Variants in ZNF462 observed in about 807,000 individuals in gnomAD.
ZNF462 encodes the protein zinc finger PBX1-interacting protein.
In ZNF462, 10 loss-of-function variants were observed where a neutral mutation model predicts 201.9. The ratio of observed to expected loss-of-function variants is 0.05; its 90% CI spans 0.03 to 0.08. The LOEUF (loss-of-function observed/expected upper bound fraction) is 0.08, where lower values mean the gene tolerates loss of function less well. Ranked by LOEUF, ZNF462 falls within the 10% of genes least tolerant of loss-of-function variation. The pLI is 1.00. For missense variants in ZNF462, 2,523 were observed against 3,168.3 expected, an observed-to-expected ratio of 0.80 and a Z score of 4.89; for synonymous variants, 1,227 against 1,193.3, an observed-to-expected ratio of 1.03 and a Z score of -0.58.
At chr9:106,943,751 C>A (rs963445648) in intron 7 of ZNF462, among the ~76,000 whole-genome samples, 1 of 152,100 alleles carries the variant, frequency 6.6e-6, no homozygotes, top group Non-Finnish European at 1.5e-5. Flanking sequence ...AATACTTATT[C>A]TTTTCATGGA....
At position 106,919,863 on chromosome 9, in the gene ZNF462, G is replaced by A. The variant is rs1829918514; in HGVS notation, c.-30-3491G>A. The stretch of plus-strand genomic sequence containing the variant: ...GACATATATCTGGGGTAGAAGACAG[G>A]GATGCTTGTTTGATATGTAGATTCA... On this transcript the variant is annotated intron_variant, in intron 1 of 12. Coordinates refer to ENST00000277225, the MANE Select transcript of ZNF462 (RefSeq NM_021224.6). The surrounding 1 kb of genome is among the most constrained non-coding windows in gnomAD (Gnocchi z 4.5). Among the ~76,000 whole-genome samples the A allele has an allele frequency of 6.6e-6, 1 of 152,104 alleles. No individual in the cohort carries two copies. The highest frequency in any genetic ancestry group is 1.5e-5 in the Non-Finnish European group (1 of 68,022).
rs1270890369 is a variant in ZNF462, at chr9:106,864,101, T to C, written c.-31+746T>C. On this transcript the variant is annotated intron_variant, in intron 1 of 12. Coordinates refer to ENST00000277225, the MANE Select transcript of ZNF462 (RefSeq NM_021224.6). The stretch of plus-strand genomic sequence containing the variant: ...CTCTCTCTCTCTCTCTCTCTCTCTC[T>C]CTCTCTCTCCCTCTCCCCGAAGTTG... Among the ~76,000 whole-genome samples, 203 of 110,202 alleles carry C rather than the reference T, an allele frequency of 1.8e-3. 1 individual carries two copies. The highest frequency in any genetic ancestry group is 6.6e-3 in the African/African-American group (175 of 26,398). 72.3% of individuals were successfully genotyped at this position (110,202 alleles called of 152,430 possible).
At chr9:106,947,484 T>C (rs567386535) in intron 7 of ZNF462, among the ~76,000 whole-genome samples, 6 of 152,322 alleles carry the variant, frequency 3.9e-5, no homozygotes, top group South Asian at 2.1e-4. Context: ...GTTATTTTTT[T>C]CCCCTTTGGC....
chr9:106,926,349 T>C lies in ZNF462; in HGVS notation c.2437T>C (p.Ser813Pro). 4 of 1,614,154 alleles carry C rather than the reference T, an allele frequency of 2.5e-6. No homozygotes were observed. Among genetic ancestry groups the C allele is most frequent in the Non-Finnish European group, 3.4e-6 (4 of 1,180,038 alleles). Reference sequence around the variant, plus strand: ...AACAAACTTGAAAGATCACCAAGTTTCCAATACTGCTCTGCTGAATACCCA... The same window carrying C: ...AACAAACTTGAAAGATCACCAAGTTCCCAATACTGCTCTGCTGAATACCCA... ...SSTNLKDHQV[S>P]NTALLNTQTP... is the part of the protein sequence containing the mutation. Residue 813 changes from serine (S) to proline (P), a missense_variant, in exon 3 of 13, where the codon TCC becomes CCC. This residue lies in a region of ZNF462 where 383 missense variants were observed against 453.4 expected (regional missense o/e 0.84). Coordinates refer to ENST00000277225, the MANE Select transcript of ZNF462 (RefSeq NM_021224.6). The surrounding 1 kb of genome is among the most constrained non-coding windows in gnomAD (Gnocchi z 7.9).
chr9:106,977,227 T>C lies in ZNF462; in HGVS notation c.6832+2954T>C, dbSNP rs1011836592. Among the ~76,000 whole-genome samples the C allele has an allele frequency of 1.4e-4, 20 of 147,130 alleles. 2 individuals are homozygous for C. The highest frequency in any genetic ancestry group is 5.2e-4 in the African/African-American group (19 of 36,752). ...TGCATGTCTGCCTTGCAATTTTGAG[T>C]TGGGGCTGATCTCAAAGTAACAAGA... On this transcript the variant is annotated intron_variant, in intron 9 of 12. Transcript: ENST00000277225. The surrounding 1 kb of genome is among the most constrained non-coding windows in gnomAD (Gnocchi z 4.6).
chr9:106,919,294 G>A lies in ZNF462; in HGVS notation c.-30-4060G>A, dbSNP rs932881321. Among the ~76,000 whole-genome samples the A allele has an allele frequency of 3.3e-5, 5 of 152,142 alleles. No homozygotes were observed. The highest frequency in any genetic ancestry group is 4.4e-5 in the Non-Finnish European group (3 of 68,026). The stretch of plus-strand genomic sequence containing the variant: ...TGCTGTACAATGTCAACACCTCCCC[G>A]CTCCGGTTACGTCTGAGCAGTGAGT... On this transcript the variant is annotated intron_variant, in intron 1 of 12. Coordinates refer to ENST00000277225, the MANE Select transcript of ZNF462 (RefSeq NM_021224.6). The surrounding 1 kb of genome is among the most constrained non-coding windows in gnomAD (Gnocchi z 4.5).
At chr9:106,939,615 C>G (rs1289413162) in intron 7 of ZNF462, among the ~76,000 whole-genome samples, 1 of 152,114 alleles carries the variant, frequency 6.6e-6, no homozygotes, top group East Asian at 1.9e-4. Flanking sequence ...GGATTTCTTA[C>G]AGCTAAAGGA....
chr9:106,942,115 GA>G (rs1464248996), intron 7 of ZNF462, among the ~76,000 whole-genome samples: 1 of 152,202 alleles, frequency 6.6e-6, no homozygotes, highest in African/African-American at 2.4e-5. Flanking sequence ...TAAAACCAGG[GA>G]AATCACCAGT....
At position 106,926,423 on chromosome 9, in the gene ZNF462, T is replaced by C; in HGVS notation, c.2511T>C (p.Gly837=). ...TEHNSENTDF[G]DSGRLYYCKH... Reference sequence around the variant, plus strand: ...ACAATAGTGAAAACACAGACTTTGGTGACTCTGGAAGGCTTTACTATTGTA... The same window carrying C: ...ACAATAGTGAAAACACAGACTTTGGCGACTCTGGAAGGCTTTACTATTGTA... The change falls in exon 3 of 13, where the codon GGT becomes GGC. Residue 837 remains glycine (G), a synonymous_variant. Transcript: ENST00000277225. The surrounding 1 kb of genome is among the most constrained non-coding windows in gnomAD (Gnocchi z 7.9). 1.9e-6 allele frequency: 3 copies of C among 1,614,176 alleles called. No individual in the cohort carries two copies. Among genetic ancestry groups the C allele is most frequent in the South Asian group, 2.2e-5 (2 of 91,078 alleles).
chr9:106,884,718 T>C (rs1254889514), intron 1 of ZNF462, among the ~76,000 whole-genome samples: 2 of 152,168 alleles, frequency 1.3e-5, no homozygotes, highest in African/African-American at 2.4e-5. Flanking sequence ...CCCAAGTACA[T>C]TTTTGGTTTT....
chr9:106,868,983 G>C (rs1200760673), intron 1 of ZNF462, among the ~76,000 whole-genome samples: 3 of 151,880 alleles, frequency 2.0e-5, no homozygotes, highest in South Asian at 4.2e-4. Flanking sequence ...TCAGTAAAGT[G>C]TTAGCTCCCG....
intron 7 of ZNF462, among the ~76,000 whole-genome samples, chr9:106,948,369 T>C (rs901881405): frequency 6.6e-6 from 1 of 152,198 alleles, no homozygotes; most frequent in African/African-American, 2.4e-5. Flanking sequence ...ATTTGAGCTA[T>C]AAGTGCATTC....
intron 1 of ZNF462, among the ~76,000 whole-genome samples, chr9:106,918,622 A>T (rs182704229): frequency 3.3e-4 from 50 of 152,228 alleles, no homozygotes; most frequent in African/African-American, 9.4e-4. Context: ...GTGCCTTTTT[A>T]AAAAAAATCA....
chr9:107,002,107 T>C (rs1388191210), intron 10 of ZNF462, among the ~76,000 whole-genome samples: 1 of 152,162 alleles, frequency 6.6e-6, no homozygotes, highest in Non-Finnish European at 1.5e-5. Flanking sequence ...TCCAGTCTGG[T>C]CCCAAAGACT....
intron 7 of ZNF462, among the ~76,000 whole-genome samples, chr9:106,960,217 A>G (rs1017745235): frequency 1.3e-5 from 2 of 152,060 alleles, no homozygotes; most frequent in Non-Finnish European, 2.9e-5. Context: ...TTATACCCAG[A>G]TGTGCTCTTT....
chr9:106,916,861 C>A (rs1031793470), intron 1 of ZNF462, among the ~76,000 whole-genome samples: 1 of 152,178 alleles, frequency 6.6e-6, no homozygotes, highest in African/African-American at 2.4e-5. Flanking sequence ...TGTCAAGACG[C>A]TTCTCAGAAT....
At chr9:107,002,277 C>T (rs1186417359) in intron 10 of ZNF462, among the ~76,000 whole-genome samples, 1 of 152,140 alleles carries the variant, frequency 6.6e-6, no homozygotes, top group Non-Finnish European at 1.5e-5. Flanking sequence ...CAACTGTGAG[C>T]CTCTGGAGGC....
At chr9:106,863,051 GGAGAGGAGAGAGAAGAGGAGAGA>G, upstream of ZNF462, 5 of 394,428 alleles carry the variant, frequency 1.3e-5, no homozygotes, top group Non-Finnish European at 1.8e-5. Flanking sequence ...GGGAGAGGGA[GGAGAGGAGAGAGAAGAGGAGAGA>G]GAGGGGAGAG....
chr9:107,002,053 A>T (rs1269883567), intron 10 of ZNF462, among the ~76,000 whole-genome samples: 4 of 152,130 alleles, frequency 2.6e-5, no homozygotes, highest in Non-Finnish European at 5.9e-5. Context: ...TGATGTTCCC[A>T]TCTGCCAGGC....
Sources: gnomAD v4.1 joint callset for allele counts (sites outside exome capture counted in the v4.1 genomes callset) on GRCh38, gnomAD v4.1.1 for gene constraint, gnomAD v4.1.1 regional missense constraint, Gnocchi (gnomAD v3.1) non-coding constraint, MANE v1.5 for transcripts, NCBI Gene and HGNC (gene_info 2026-07-23, HGNC 2026-07-21) for gene names.